The following FAM110B variants were observed in gnomAD, a reference collection of about 807,000 sequenced individuals.
FAM110B encodes protein FAM110B.
A neutral mutation model predicts 20.4 loss-of-function variants in FAM110B; 6 were observed. The observed-to-expected ratio is 0.29, with a 90% CI of 0.16 to 0.58. FAM110B has a LOEUF of 0.58. Ranked by LOEUF, FAM110B falls within the 20% of genes least tolerant of loss-of-function variation. The pLI is 0.90. For missense variants in FAM110B, 434 were observed against 498.2 expected (o/e 0.87, Z 1.23); for synonymous variants, 226 against 214.1 (o/e 1.06, Z -0.49).
chr8:58,040,748 A>G (rs61126058), intron 2 of FAM110B, among the ~76,000 whole-genome samples: 9,310 of 152,098 alleles, frequency 0.061, 360 homozygotes, highest in East Asian at 0.17. Flanking sequence ...AATTATAGCT[A>G]TGCAGGATCA....
At chr8:58,110,927 G>A (rs1025428699) in intron 3 of FAM110B, among the ~76,000 whole-genome samples, 1 of 152,036 alleles carries the variant, frequency 6.6e-6, no homozygotes, top group Admixed American at 6.6e-5. Flanking sequence ...CATAGATTCC[G>A]AATTACAAGC....
At chr8:58,115,162 A>G (rs1443902218) in intron 3 of FAM110B, among the ~76,000 whole-genome samples, 1 of 151,936 alleles carries the variant, frequency 6.6e-6, no homozygotes, top group Non-Finnish European at 1.5e-5. Context: ...ACCCTGGCCA[A>G]TTTCTTAAAG....
chr8:58,099,206 G>A (rs560159745), intron 3 of FAM110B: 1 of 152,212 alleles, frequency 6.6e-6, no homozygotes, highest in South Asian at 2.1e-4. Context: ...ATATTTAAAT[G>A]TAGTTTTAAG....
chr8:58,019,069 G>A (rs1232103607), intron 1 of FAM110B, among the ~76,000 whole-genome samples: 1 of 152,044 alleles, frequency 6.6e-6, no homozygotes, highest in African/African-American at 2.4e-5. Context: ...AGGCGCGGTG[G>A]CTCACGCCTG....
At chr8:58,037,804 T>A (rs898110670) in intron 2 of FAM110B, among the ~76,000 whole-genome samples, 3 of 152,166 alleles carry the variant, frequency 2.0e-5, no homozygotes, top group African/African-American at 7.2e-5. Context: ...CTAACTTAAT[T>A]AGAATTGGAA....
At chr8:58,141,046 T>G (rs1288667411) in intron 3 of FAM110B, among the ~76,000 whole-genome samples, 2 of 152,244 alleles carry the variant, frequency 1.3e-5, no homozygotes, top group African/African-American at 4.8e-5. Context: ...TCTCTTCCAT[T>G]TGTAAAGAAT....
intron 1 of FAM110B, among the ~76,000 whole-genome samples, chr8:58,030,818 C>G (rs898777048): frequency 2.0e-5 from 3 of 152,112 alleles, no homozygotes; most frequent in African/African-American, 7.2e-5. Flanking sequence ...ACAGTATTTT[C>G]TTTAGCATTG....
intron 3 of FAM110B, among the ~76,000 whole-genome samples, chr8:58,103,260 GT>G (rs1239271847): frequency 6.6e-6 from 1 of 151,862 alleles, no homozygotes; most frequent in Non-Finnish European, 1.5e-5. Flanking sequence ...CCATGCTGGT[GT>G]GCTGCACCCA....
chr8:58,097,648 C>CT (rs1477419604), intron 3 of FAM110B, among the ~76,000 whole-genome samples: 1 of 152,170 alleles, frequency 6.6e-6, no homozygotes, highest in East Asian at 1.9e-4. Flanking sequence ...AATTTTCAGC[C>CT]TTTTTCAGCT....
At chr8:58,012,547 A>C (rs925734250) in intron 1 of FAM110B, among the ~76,000 whole-genome samples, 1 of 152,212 alleles carries the variant, frequency 6.6e-6, no homozygotes, top group Non-Finnish European at 1.5e-5. Context: ...GGGAAAAAAA[A>C]TTAAGAATGA....
At chr8:58,072,138 GTCTC>G (rs1805914203) in intron 2 of FAM110B, among the ~76,000 whole-genome samples, 1 of 152,200 alleles carries the variant, frequency 6.6e-6, no homozygotes, top group African/African-American at 2.4e-5. Context: ...CTCTCTGTGT[GTCTC>G]TCTATCTCCT....
At chr8:58,019,399 G>GA (rs1409402865) in intron 1 of FAM110B, among the ~76,000 whole-genome samples, 13 of 129,272 alleles carry the variant, frequency 1.0e-4, no homozygotes, top group Non-Finnish European at 1.7e-4. Flanking sequence ...AAAGAAAAAA[G>GA]AAAAAATATT....
intron 1 of FAM110B, among the ~76,000 whole-genome samples, chr8:58,029,705 C>T (rs186012018): frequency 6.6e-6 from 1 of 152,292 alleles, no homozygotes; most frequent in Admixed American, 6.5e-5. Context: ...CACTTAACCA[C>T]TCTGGGCTTT....
intron 1 of FAM110B, among the ~76,000 whole-genome samples, chr8:58,019,354 AAAAAAAG>A (rs1804700400): frequency 7.4e-6 from 1 of 135,108 alleles, no homozygotes; most frequent in Non-Finnish European, 1.5e-5. Flanking sequence ...AAAAAAAAAA[AAAAAAAG>A]GAAAGAAAGA....
chr8:58,035,771 T>C (rs11997733), intron 2 of FAM110B, among the ~76,000 whole-genome samples: 10,116 of 152,274 alleles, frequency 0.066, 428 homozygotes, highest in East Asian at 0.17. Context: ...GGGAGTAACA[T>C]GTGCATTTGA....
intron 3 of FAM110B, among the ~76,000 whole-genome samples, chr8:58,105,424 C>G (rs770280500): frequency 6.6e-6 from 1 of 152,032 alleles, no homozygotes; most frequent in Non-Finnish European, 1.5e-5. Context: ...TGGCTCACAT[C>G]TGTAATCCCA....
At chr8:58,006,923 A>ATATATATATATTTTTTTTTT in intron 1 of FAM110B, among the ~76,000 whole-genome samples, 1 of 126,536 alleles carries the variant, frequency 7.9e-6, no homozygotes, top group East Asian at 2.5e-4. Flanking sequence ...ATATATATAT[A>ATATATATATATTTTTTTTTT]TTTTTCCAAA....
At position 58,130,536 on chromosome 8, in the gene FAM110B, A is replaced by G. The variant is rs1329187157; in HGVS notation, c.-324-15371A>G. Among the ~76,000 whole-genome samples the G allele has an allele frequency of 2.0e-5, 3 of 152,136 alleles. No homozygotes were observed. The East Asian group carries it at 5.8e-4, about 29-fold the overall frequency. On this transcript the variant is annotated intron_variant, in intron 3 of 3. Coordinates refer to ENST00000519262, the MANE Select transcript of FAM110B (RefSeq NM_001377989.1). Reference sequence around the variant, plus strand: ...AGAATCCAACTATAAAATCTCCTCCATCTCTACCCTGAATTGTGCAATCTG... The same window carrying G: ...AGAATCCAACTATAAAATCTCCTCCGTCTCTACCCTGAATTGTGCAATCTG...
chr8:58,049,911 A>G (rs1019387023), intron 2 of FAM110B, among the ~76,000 whole-genome samples: 2 of 152,250 alleles, frequency 1.3e-5, no homozygotes, highest in East Asian at 3.8e-4. Context: ...AAGCATTTAC[A>G]AAGGATCCTG....
Sources: allele counts gnomAD v4.1 joint callset (sites outside exome capture counted in the v4.1 genomes callset), GRCh38; gene constraint gnomAD v4.1.1; transcripts MANE v1.5; gene names NCBI Gene and HGNC (gene_info 2026-07-23, HGNC 2026-07-21).